Variants in DYRK1A observed in about 807,000 individuals in gnomAD.
The protein encoded by DYRK1A is dual specificity tyrosine phosphorylation regulated kinase 1A, also known as dual specificity tyrosine-phosphorylation-regulated kinase 1A.
A neutral mutation model predicts 79.7 loss-of-function variants in DYRK1A; 9 were observed. The observed-to-expected ratio is 0.11, with a 90% CI of 0.07 to 0.20. The LOEUF (loss-of-function observed/expected upper bound fraction) is 0.20. Among genes scored for constraint, DYRK1A ranks in the 10% least tolerant of loss-of-function variants. The pLI is 1.00. For synonymous variants in DYRK1A, 349 were observed against 329.7 expected (o/e 1.06, Z -0.63); for missense variants, 622 against 956.0 (o/e 0.65, Z 4.61).
chr21:37,481,291 C>T (rs2052632345), intron 5 of DYRK1A: 1 of 152,688 alleles, frequency 6.5e-6, no homozygotes, highest in Admixed American at 6.5e-5. Context: ...TCTCCCACTT[C>T]ATGTTGTAAC....
intron 3 of DYRK1A, among the ~76,000 whole-genome samples, chr21:37,476,580 A>G (rs529628253): frequency 3.3e-5 from 5 of 152,204 alleles, no homozygotes; most frequent in Non-Finnish European, 7.3e-5. Context: ...AAGAAAAGAC[A>G]TTTAAGGGAA....
At chr21:37,368,583 G>A (rs2049365442) in intron 1 of DYRK1A, among the ~76,000 whole-genome samples, 2 of 152,268 alleles carry the variant, frequency 1.3e-5, no homozygotes, top group South Asian at 2.1e-4. Context: ...CAGAAAATAC[G>A]CCTTAGAACG....
chr21:37,465,650 A>C (rs1049067254), intron 2 of DYRK1A, among the ~76,000 whole-genome samples: 7 of 152,170 alleles, frequency 4.6e-5, no homozygotes, highest in African/African-American at 1.7e-4. Context: ...CAGCCTGGCC[A>C]ACATGGTGAA....
intron 8 of DYRK1A, 42 bp downstream of exon 8, chr21:37,493,205 C>A (rs2835772): frequency 6.5e-7 from 1 of 1,548,000 alleles, no homozygotes; most frequent in Non-Finnish European, 8.8e-7. Flanking sequence ...TTCATAATTT[C>A]TTTTTGTCTT....
intron 2 of DYRK1A, among the ~76,000 whole-genome samples, chr21:37,434,441 A>G (rs546296226): frequency 2.7e-4 from 41 of 152,194 alleles, no homozygotes; most frequent in Non-Finnish European, 5.0e-4. Flanking sequence ...TGAATATGTG[A>G]GATTAAAGAA....
chr21:37,458,085 A>T (rs747829099), intron 2 of DYRK1A, among the ~76,000 whole-genome samples: 3 of 152,234 alleles, frequency 2.0e-5, no homozygotes, highest in Non-Finnish European at 4.4e-5. Context: ...AGAGGAAAGC[A>T]GCTAAGCAGG....
intron 1 of DYRK1A, among the ~76,000 whole-genome samples, chr21:37,398,073 A>AT (rs201289523): frequency 0.033 from 3,668 of 110,676 alleles, 148 homozygotes; most frequent in African/African-American, 0.11. Context: ...CTCTTAAAAA[A>AT]AAAATATATA....
At chr21:37,387,078 T>C (rs1392971624) in intron 1 of DYRK1A, among the ~76,000 whole-genome samples, 1 of 152,208 alleles carries the variant, frequency 6.6e-6, no homozygotes, top group Non-Finnish European at 1.5e-5. Context: ...AGCACATGCC[T>C]AAATGGAGGT....
In DYRK1A at chr21:37,522,700, C is replaced by T. The variant is rs1601350370; in HGVS notation, c.*10169C>T. 6.6e-6 allele frequency: 1 copy of T among 152,348 alleles called. No individual in the cohort carries two copies. The highest frequency in any genetic ancestry group is 3.4e-3 in the Middle Eastern group (1 of 294). 9.4% of individuals were successfully genotyped at this position (152,348 alleles called of 1,614,324 possible). On this transcript the variant is annotated 3_prime_UTR_variant, in exon 12 of 12. Coordinates refer to ENST00000647188, the MANE Select transcript of DYRK1A (RefSeq NM_001347721.2). Reference sequence around the variant, plus strand: ...GTTGAACAGGTTTCTCTCCGACAATCGTCTCGTTTAATTGTGAAACTAGAA... The same window carrying T: ...GTTGAACAGGTTTCTCTCCGACAATTGTCTCGTTTAATTGTGAAACTAGAA...
chr21:37,447,479 T>C (rs1336922371), intron 2 of DYRK1A, among the ~76,000 whole-genome samples: 1 of 152,196 alleles, frequency 6.6e-6, no homozygotes, highest in Non-Finnish European at 1.5e-5. Flanking sequence ...AATAAAGTTT[T>C]ATTGGAATAT....
At position 37,479,606 on chromosome 21, in the gene DYRK1A, GTTTTTGTTTTTTGT is replaced by G. The variant is rs1184639555; in HGVS notation, c.301-1026_301-1013del. On this transcript the variant is annotated intron_variant, in intron 4 of 11. Coordinates refer to ENST00000647188, the MANE Select transcript of DYRK1A (RefSeq NM_001347721.2). The stretch of plus-strand genomic sequence containing the variant: ...GTGTTGGTGTTTTGTTTTTGTTTTT[GTTTTTGTTTTTTGT>G]TTTTTTTTTTTTTTTTGGAGACAGA... 3.9e-3 allele frequency among the ~76,000 whole-genome samples: 108 copies of G among 27,598 alleles called. 2 individuals carry two copies. Among genetic ancestry groups the G allele is most frequent in the African/African-American group, 0.012 (81 of 6,808 alleles). The allele number at this position is 27,598 out of a possible 152,430, so 18.1% of individuals were successfully genotyped here. A position where few individuals can be genotyped will look rare whatever the true frequency, so the allele number is the denominator to read the frequency against.
At chr21:37,399,590 T>C (rs946468427) in intron 1 of DYRK1A, among the ~76,000 whole-genome samples, 1 of 152,222 alleles carries the variant, frequency 6.6e-6, no homozygotes, top group Non-Finnish European at 1.5e-5. Flanking sequence ...TTTTAACATT[T>C]ACTGTTCTTA....
chr21:37,475,730 G>T (rs2052372591), intron 3 of DYRK1A, among the ~76,000 whole-genome samples: 1 of 152,176 alleles, frequency 6.6e-6, no homozygotes, highest in Non-Finnish European at 1.5e-5. Flanking sequence ...CACTCATATT[G>T]AGTGCAGAAA....
At chr21:37,451,027 G>A (rs571107565) in intron 2 of DYRK1A, among the ~76,000 whole-genome samples, 5 of 152,226 alleles carry the variant, frequency 3.3e-5, no homozygotes, top group South Asian at 2.1e-4. Context: ...CTTGGCTTAC[G>A]TGTATGTGTA....
At chr21:37,495,980 C>G in intron 8 of DYRK1A, 138 bp from the exon 9 acceptor site, 1 of 744,980 alleles carries the variant, frequency 1.3e-6, no homozygotes, top group South Asian at 2.0e-5. Context: ...TGTGTTTGTT[C>G]ATTACTGTAT....
intron 1 of DYRK1A, among the ~76,000 whole-genome samples, chr21:37,392,183 G>A (rs1268172539): frequency 1.3e-5 from 2 of 152,180 alleles, no homozygotes; most frequent in Non-Finnish European, 2.9e-5. Context: ...ACCCCTAATG[G>A]AAGCAGTGTT....
At chr21:37,426,124 G>A (rs1021740498) in intron 2 of DYRK1A, among the ~76,000 whole-genome samples, 4 of 152,128 alleles carry the variant, frequency 2.6e-5, no homozygotes. Flanking sequence ...ACAAGATGGA[G>A]ATAATGAGGG....
At chr21:37,473,014 C>A in intron 3 of DYRK1A, 134 bp downstream of exon 3, 2 of 661,378 alleles carry the variant, frequency 3.0e-6, no homozygotes, top group Non-Finnish European at 4.4e-6. Flanking sequence ...ATTGGGAAAA[C>A]ATGTTAAGAA....
chr21:37,430,510 C>T, intron 2 of DYRK1A: 12 of 692,150 alleles, frequency 1.7e-5, no homozygotes, highest in Non-Finnish European at 2.0e-5. Context: ...ACCTGGGAAC[C>T]CTTGTTGCCC....
Sources: allele counts gnomAD v4.1 joint callset (sites outside exome capture counted in the v4.1 genomes callset), GRCh38; gene constraint gnomAD v4.1.1; transcripts MANE v1.5; gene names NCBI Gene and HGNC (gene_info 2026-07-23, HGNC 2026-07-21).